Variants in IQSEC1 observed in about 807,000 individuals in gnomAD.
IQSEC1 encodes the protein IQ motif and SEC7 domain-containing protein 1.
Under a neutral mutation model 91.0 loss-of-function variants are expected in IQSEC1, and 31 were observed. The ratio of observed to expected loss-of-function variants is 0.34; its 90% CI spans 0.26 to 0.46. The LOEUF is 0.46. IQSEC1 is among the 20% of genes least tolerant of loss of function. The pLI is 1.00. For missense variants in IQSEC1, 1,388 were observed against 1,575.6 expected, an observed-to-expected ratio of 0.88 and a Z score of 2.02; for synonymous variants, 699 against 662.6, an observed-to-expected ratio of 1.05 and a Z score of -0.84.
intron 1 of IQSEC1, among the ~76,000 whole-genome samples, chr3:12,997,011 T>A (rs2125650296): frequency 6.6e-6 from 1 of 152,204 alleles, no homozygotes; most frequent in Non-Finnish European, 1.5e-5. Flanking sequence ...CATGCTAATA[T>A]AAAAATACAA....
chr3:13,011,254 C>T (rs1702871640), intron 1 of IQSEC1, among the ~76,000 whole-genome samples: 1 of 152,180 alleles, frequency 6.6e-6, no homozygotes. Flanking sequence ...CCCGCAGGGG[C>T]TTAGAGGCTG....
intron 1 of IQSEC1, among the ~76,000 whole-genome samples, chr3:13,218,862 A>G (rs1694598853): frequency 6.6e-6 from 1 of 152,162 alleles, no homozygotes; most frequent in South Asian, 2.1e-4. Flanking sequence ...GAAGGAGGGC[A>G]GCCCCGGCCG....
chr3:13,088,284 G>A (rs924770523), intron 2 of IQSEC1, among the ~76,000 whole-genome samples: 10 of 152,210 alleles, frequency 6.6e-5, no homozygotes, highest in African/African-American at 2.4e-4. Flanking sequence ...CTGGCCATTC[G>A]TGCATGTGCT....
At chr3:13,102,427 T>A (rs1459358796) in intron 2 of IQSEC1, among the ~76,000 whole-genome samples, 1 of 152,012 alleles carries the variant, frequency 6.6e-6, no homozygotes, top group South Asian at 2.1e-4. Flanking sequence ...GGTGGGGGGC[T>A]GGATTAGAGG....
At chr3:13,242,637 C>T (rs1237578664) in intron 1 of IQSEC1, among the ~76,000 whole-genome samples, 3 of 152,120 alleles carry the variant, frequency 2.0e-5, no homozygotes, top group South Asian at 2.1e-4. Flanking sequence ...CCTGGGTGGG[C>T]GACATGGGCC....
At chr3:13,191,087 C>T (rs1362368354) in intron 1 of IQSEC1, among the ~76,000 whole-genome samples, 2 of 152,212 alleles carry the variant, frequency 1.3e-5, no homozygotes, top group Non-Finnish European at 2.9e-5. Flanking sequence ...TATCTTCAGG[C>T]CACAGAAGAA....
At chr3:12,978,630 T>C (rs1701302907) in intron 1 of IQSEC1, among the ~76,000 whole-genome samples, 1 of 151,464 alleles carries the variant, frequency 6.6e-6, no homozygotes, top group Non-Finnish European at 1.5e-5. Context: ...ACTTGAACCC[T>C]GGAGGTGGAG....
chr3:12,900,446 A>G lies in IQSEC1; in HGVS notation c.*537T>C, dbSNP rs1694122725. 2 of 773,878 alleles carry G rather than the reference A, an allele frequency of 2.6e-6. No individual in the cohort carries two copies. The highest frequency in any genetic ancestry group is 3.1e-6 in the Non-Finnish European group (2 of 639,264). 47.9% of individuals were successfully genotyped at this position (773,878 alleles called of 1,614,324 possible). On this transcript the variant is annotated 3_prime_UTR_variant, in exon 14 of 14. Transcript: ENST00000613206. ...TGCCTTTCACACACAAGTACTACCT[A>G]TACAGTATATATATATATATATTTA...
chr3:13,164,208 G>A (rs1693424925), intron 1 of IQSEC1, among the ~76,000 whole-genome samples: 1 of 152,060 alleles, frequency 6.6e-6, no homozygotes, highest in Non-Finnish European at 1.5e-5. Flanking sequence ...CACTAGATGT[G>A]GGGACCCTGA....
chr3:13,135,452 G>A (rs1328755627), intron 2 of IQSEC1, among the ~76,000 whole-genome samples: 1 of 152,236 alleles, frequency 6.6e-6, no homozygotes, highest in Non-Finnish European at 1.5e-5. Context: ...TCTCCTCTGG[G>A]CAAAGGCCTG....
At position 13,105,308 on chromosome 3, in the gene IQSEC1, C is replaced by T. The variant is rs943309700; in HGVS notation, c.303-57786G>A. ...ACACCCATCTGGTCTCCTGACCAGG[C>T]CTCCACAGCCAGGGGCAGAGCGAGG... On this transcript the variant is annotated intron_variant, in intron 2 of 15. Coordinates refer to the IQSEC1 transcript ENST00000648114. Among the ~76,000 whole-genome samples, 3 of 152,084 alleles carry T rather than the reference C, an allele frequency of 2.0e-5. 1 individual carries two copies. Among genetic ancestry groups the T allele is most frequent in the East Asian group, 3.9e-4 (2 of 5,186 alleles).
At chr3:13,108,333 G>A (rs1330544291) in intron 2 of IQSEC1, among the ~76,000 whole-genome samples, 1 of 152,130 alleles carries the variant, frequency 6.6e-6, no homozygotes, top group Non-Finnish European at 1.5e-5. Flanking sequence ...AAGCAGTGTG[G>A]TGAGGCATTT....
chr3:12,931,253 G>A (rs1697646766), intron 3 of IQSEC1, among the ~76,000 whole-genome samples: 1 of 152,112 alleles, frequency 6.6e-6, no homozygotes, highest in South Asian at 2.1e-4. Context: ...AGGCCACAGT[G>A]GCCTGTGTCT....
At chr3:13,192,074 G>T (rs1184886310) in intron 1 of IQSEC1, among the ~76,000 whole-genome samples, 1 of 152,146 alleles carries the variant, frequency 6.6e-6, no homozygotes, top group Non-Finnish European at 1.5e-5. Context: ...GGTGGCTCAC[G>T]CCTGTAATCC....
At chr3:12,962,817 G>C (rs1372511793) in intron 1 of IQSEC1, among the ~76,000 whole-genome samples, 1 of 152,226 alleles carries the variant, frequency 6.6e-6, no homozygotes, top group Non-Finnish European at 1.5e-5. Context: ...GGTTCTGTGG[G>C]GAAAGAGACA....
At chr3:13,197,564 C>T (rs754241083) in intron 1 of IQSEC1, among the ~76,000 whole-genome samples, 2 of 152,228 alleles carry the variant, frequency 1.3e-5, no homozygotes, top group African/African-American at 2.4e-5. Context: ...AGGGCCCCTA[C>T]GACCAAGCTG....
intron 1 of IQSEC1, among the ~76,000 whole-genome samples, chr3:13,220,683 G>A (rs1694642066): frequency 6.6e-6 from 1 of 152,254 alleles, no homozygotes; most frequent in Non-Finnish European, 1.5e-5. Context: ...AGTCCCTACA[G>A]AGCACGGCCT....
intron 1 of IQSEC1, chr3:12,960,161 A>G (rs1040198832): frequency 2.0e-5 from 3 of 152,100 alleles, no homozygotes; most frequent in Admixed American, 6.6e-5. Flanking sequence ...TCATCACAGC[A>G]GCTGCCATTT....
At chr3:13,017,832 G>A (rs1231038912) in intron 1 of IQSEC1, among the ~76,000 whole-genome samples, 1 of 152,196 alleles carries the variant, frequency 6.6e-6, no homozygotes, top group East Asian at 1.9e-4. Context: ...GTGTGCTCCA[G>A]GCAGTGCCCA....
Sources: allele counts gnomAD v4.1 joint callset (sites outside exome capture counted in the v4.1 genomes callset), GRCh38; gene constraint gnomAD v4.1.1; transcripts MANE v1.5; gene names NCBI Gene and HGNC (gene_info 2026-07-23, HGNC 2026-07-21).